The following DCAF12 variants were observed in gnomAD, a reference collection of about 807,000 sequenced individuals.
The protein encoded by DCAF12 is DDB1 and CUL4 associated factor 12.
A neutral mutation model predicts 52.8 loss-of-function variants in DCAF12; 28 were observed. The observed-to-expected ratio is 0.53, with a 90% CI of 0.39 to 0.73. DCAF12 has a LOEUF of 0.73. Among genes scored for constraint, DCAF12 ranks in the 30% least tolerant of loss-of-function variants. The pLI, the probability that DCAF12 is intolerant of heterozygous loss-of-function variation, is 0.00. For synonymous variants in DCAF12, 196 were observed against 215.5 expected, an observed-to-expected ratio of 0.91 and a Z score of 0.79; for missense variants, 425 against 552.2, an observed-to-expected ratio of 0.77 and a Z score of 2.31.
intron 4 of DCAF12, among the ~76,000 whole-genome samples, chr9:34,103,095 CA>C (rs34456166): frequency 0.18 from 18,138 of 99,230 alleles, 874 homozygotes; most frequent in African/African-American, 0.23. Context: ...ACCTTAACTC[CA>C]AAAAAAAAAA....
intron 4 of DCAF12, among the ~76,000 whole-genome samples, chr9:34,105,829 A>T (rs1357211216): frequency 6.8e-6 from 1 of 147,612 alleles, no homozygotes; most frequent in Non-Finnish European, 1.5e-5. Flanking sequence ...GCTCACTGCA[A>T]CCTCTGCCTG....
chr9:34,108,341 C>T (rs1828938009), intron 2 of DCAF12, among the ~76,000 whole-genome samples: 2 of 152,190 alleles, frequency 1.3e-5, no homozygotes, highest in South Asian at 2.1e-4. Context: ...GAAATAATAT[C>T]TGCCCTAATA....
At position 34,086,965 on chromosome 9, in the gene DCAF12, G is replaced by C. The variant is rs932662359; in HGVS notation, c.*1385C>G. On this transcript the variant is annotated 3_prime_UTR_variant, in exon 9 of 9. Transcript: ENST00000361264. ...TGTGCTTAGAGGAACTGGTGGGTGG[G>C]AACAGCTGTTATCTTTGACATGATG... 1 of 152,196 alleles carries C rather than the reference G, an allele frequency of 6.6e-6. No homozygotes were observed. Among genetic ancestry groups the C allele is most frequent in the Non-Finnish European group, 1.5e-5 (1 of 68,048 alleles). 9.4% of individuals were successfully genotyped at this position (152,196 alleles called of 1,614,324 possible). A position where few individuals can be genotyped will look rare whatever the true frequency, so the allele number is the denominator to read the frequency against.
chr9:34,088,591 G>A, intron 8 of DCAF12, 83 bp from the exon 9 acceptor site: 2 of 1,511,374 alleles, frequency 1.3e-6, no homozygotes, highest in East Asian at 4.5e-5. Context: ...AATGCTTTCT[G>A]GTCTCCTTAA....
chr9:34,101,064 C>CTTTTTTT (rs3061496), intron 4 of DCAF12, among the ~76,000 whole-genome samples: 1 of 118,354 alleles, frequency 8.4e-6, no homozygotes, highest in Non-Finnish European at 1.7e-5. Context: ...CCCTCCCCAA[C>CTTTTTTT]TTTTTTTTTT....
chr9:34,089,657 A>C, intron 7 of DCAF12, 67 bp from the exon 8 acceptor site: 2 of 1,470,786 alleles, frequency 1.4e-6, no homozygotes, highest in Non-Finnish European at 1.8e-6. Flanking sequence ...TGCTAGCCTG[A>C]ATTTCTCCAA....
At chr9:34,090,679 T>C (rs1828629224) in intron 7 of DCAF12, among the ~76,000 whole-genome samples, 1 of 152,028 alleles carries the variant, frequency 6.6e-6, no homozygotes, top group Admixed American at 6.6e-5. Context: ...TTTCTCTTTT[T>C]TTTTGAGCTC....
In DCAF12 at chr9:34,093,292, C is replaced by A; in HGVS notation, c.1018G>T (p.Gly340Cys). The change falls in exon 7 of 9, where the codon GGC becomes TGC. Residue 340 changes from glycine to cysteine, a missense_variant. Physicochemically the swap from Gly to Cys is radical, Grantham distance 159. Around this residue, in one of 3 missense-constraint regions of DCAF12, gnomAD observed 328 missense variants for 444.4 expected, o/e 0.74. Transcript: ENST00000361264. ...NVKSVCSRER[G>C]SGIRSVSFYE... is the part of the protein sequence containing the mutation. ...TGCACACAGGGACTCTTACCACTGC[C>A]TCGCTCCCTGGAACAGACAGACTTG... 6.2e-7 allele frequency: 1 copy of A among 1,614,190 alleles called. No individual in the cohort carries two copies. The highest frequency in any genetic ancestry group is 8.5e-7 in the Non-Finnish European group (1 of 1,180,034).
chr9:34,125,451 T>C, intron 1 of DCAF12, 174 bp from the exon 2 acceptor site: 1 of 754,982 alleles, frequency 1.3e-6, no homozygotes, highest in Admixed American at 2.8e-5. Flanking sequence ...TCTTCCAACA[T>C]TAAAAAGATG....
At chr9:34,125,770 C>G in intron 1 of DCAF12, 1 of 272,516 alleles carries the variant, frequency 3.7e-6, no homozygotes, top group Admixed American at 4.4e-5. Flanking sequence ...CAGGCAGTTG[C>G]AGAATTCGAA....
At chr9:34,116,929 A>C (rs1829096528) in intron 2 of DCAF12, among the ~76,000 whole-genome samples, 1 of 152,238 alleles carries the variant, frequency 6.6e-6, no homozygotes, top group Non-Finnish European at 1.5e-5. Context: ...CAGTAAGCCG[A>C]GATCGTGCCC....
intron 7 of DCAF12, among the ~76,000 whole-genome samples, chr9:34,091,660 A>AAAC (rs1554698970): frequency 6.6e-6 from 1 of 151,034 alleles, no homozygotes; most frequent in Admixed American, 6.6e-5. Context: ...AAAAAAAAAA[A>AAAC]ACCACAAAAA....
Position 34,098,583 on chromosome 9 carries a change from C to G in DCAF12, c.602-66G>C. 5 of 1,510,244 alleles carry G rather than the reference C, an allele frequency of 3.3e-6. No homozygotes were observed. The South Asian group carries it at 3.8e-5, about 11-fold the overall frequency. The allele number at this position is 1,510,244 out of a possible 1,614,324, so 93.6% of individuals were successfully genotyped here. On this transcript the variant is annotated intron_variant, in intron 4 of 8. Transcript: ENST00000361264. Reference sequence around the variant, plus strand: ...CCTCTATGGGAAATCCCACAGACGCCAAAGAGGGCTTTCATAGTCTAGCTG... The same window carrying G: ...CCTCTATGGGAAATCCCACAGACGCGAAAGAGGGCTTTCATAGTCTAGCTG...
chr9:34,125,811 C>A (rs934173416), intron 1 of DCAF12: 1 of 298,072 alleles, frequency 3.4e-6, no homozygotes, highest in East Asian at 8.1e-5. Context: ...AGTAGGCCCC[C>A]GGGAAATCAG....
At chr9:34,123,002 G>T (rs1317398466) in intron 2 of DCAF12, among the ~76,000 whole-genome samples, 2 of 152,134 alleles carry the variant, frequency 1.3e-5, no homozygotes, top group African/African-American at 2.4e-5. Flanking sequence ...CCAGATCCAT[G>T]TTCTAATTAA....
intron 8 of DCAF12, 24 bp from the exon 9 acceptor site, chr9:34,088,532 A>C: frequency 6.2e-7 from 1 of 1,613,788 alleles, no homozygotes; most frequent in Non-Finnish European, 8.5e-7. Flanking sequence ...AAGAGACTAC[A>C]ATTAGCACCT....
rs191521964 is a variant in DCAF12 at position 34,098,655 on chromosome 9, C to T, written c.602-138G>A. On this transcript the variant is annotated intron_variant, in intron 4 of 8. Transcript: ENST00000361264. ...TGCTGAAGCTTGGCCAGATGGCCCA[C>T]CCTAAACACAGAGCAGTAGGCATTT... The T allele has an allele frequency of 1.5e-4, 117 of 767,804 alleles. No individual in the cohort carries two copies. In the East Asian group the frequency reaches 3.2e-3, roughly 21 times the overall value. 47.6% of individuals were successfully genotyped at this position (767,804 alleles called of 1,614,324 possible). A position where few individuals can be genotyped will look rare whatever the true frequency, so the allele number is the denominator to read the frequency against.
intron 2 of DCAF12, among the ~76,000 whole-genome samples, chr9:34,119,345 C>G (rs1587741976): frequency 6.6e-6 from 1 of 152,202 alleles, no homozygotes; most frequent in East Asian, 1.9e-4. Flanking sequence ...AATTTTCTCT[C>G]TTTTAAAATC....
chr9:34,100,811 A>T (rs200387649), intron 4 of DCAF12, among the ~76,000 whole-genome samples: 2 of 150,508 alleles, frequency 1.3e-5, no homozygotes, highest in East Asian at 3.9e-4. Context: ...TATTTTTTTA[A>T]TTTTTTTTGT....
Sources: gnomAD v4.1 joint callset for allele counts (sites outside exome capture counted in the v4.1 genomes callset) on GRCh38, gnomAD v4.1.1 for gene constraint, gnomAD v4.1.1 regional missense constraint, MANE v1.5 for transcripts, NCBI Gene and HGNC (gene_info 2026-07-23, HGNC 2026-07-21) for gene names.